ATXN7L1: variants seen among roughly 807,000 people sequenced by gnomAD.
The protein encoded by ATXN7L1 is ataxin 7 like 1, also known as ataxin-7-like protein 1.
ATXN7L1 carries 15 observed loss-of-function variants against 70.8 expected under a neutral mutation model. The observed-to-expected ratio is 0.21, with a 90% confidence interval of 0.14 to 0.33. ATXN7L1 has a LOEUF of 0.33. Ranked by LOEUF, ATXN7L1 falls within the 10% of genes least tolerant of loss-of-function variation. The pLI is 1.00. For synonymous variants in ATXN7L1, 440 were observed against 445.1 expected (o/e 0.99, Z 0.14); for missense variants, 975 against 1,097.1 (o/e 0.89, Z 1.57).
intron 4 of ATXN7L1, among the ~76,000 whole-genome samples, chr7:105,648,786 C>T (rs1314688212): frequency 2.6e-5 from 4 of 152,250 alleles, no homozygotes; most frequent in Admixed American, 1.3e-4. Context: ...CACGCCCCTT[C>T]CAGATGGCTG....
At chr7:105,752,066 G>T (rs959790324) in intron 3 of ATXN7L1, among the ~76,000 whole-genome samples, 1 of 152,216 alleles carries the variant, frequency 6.6e-6, no homozygotes, top group African/African-American at 2.4e-5. Context: ...GTAAGAGCTG[G>T]TTAAGCAGCT....
chr7:105,729,699 G>C lies in ATXN7L1; in HGVS notation c.355+58905C>G, dbSNP rs571592079. On this transcript the variant is annotated intron_variant, in intron 3 of 11. Coordinates refer to ENST00000419735, the MANE Select transcript of ATXN7L1 (RefSeq NM_020725.2). Reference sequence around the variant, plus strand: ...CCTGCCTTGGCCTCCCAGAGTGTGGGGATTACAGGCATGAGCCACTGTGCC... The same window carrying C: ...CCTGCCTTGGCCTCCCAGAGTGTGGCGATTACAGGCATGAGCCACTGTGCC... 1.6e-3 allele frequency among the ~76,000 whole-genome samples: 237 copies of C among 151,166 alleles called. 1 individual carries two copies. Among genetic ancestry groups the C allele is most frequent in the African/African-American group, 5.4e-3 (222 of 41,194 alleles).
At chr7:105,796,232 G>A (rs1563100300) in intron 2 of ATXN7L1, among the ~76,000 whole-genome samples, 1 of 152,168 alleles carries the variant, frequency 6.6e-6, no homozygotes, top group Non-Finnish European at 1.5e-5. Flanking sequence ...GCGTGGTCGT[G>A]CGCACCTGTA....
At chr7:105,641,647 A>G (rs187092211) in intron 5 of ATXN7L1, among the ~76,000 whole-genome samples, 3 of 152,306 alleles carry the variant, frequency 2.0e-5, no homozygotes, top group African/African-American at 7.2e-5. Flanking sequence ...TGTTGCCACC[A>G]CCTCTGAAGA....
intron 2 of ATXN7L1, among the ~76,000 whole-genome samples, chr7:105,862,422 G>A (rs1401830129): frequency 6.6e-6 from 1 of 152,094 alleles, no homozygotes; most frequent in Non-Finnish European, 1.5e-5. Flanking sequence ...CTGGGCGACC[G>A]AGCTACTGCC....
At chr7:105,639,602 A>G (rs1342272930) in intron 5 of ATXN7L1, 33 bp from the exon 6 acceptor site, 11 of 1,460,022 alleles carry the variant, frequency 7.5e-6, no homozygotes, top group Non-Finnish European at 1.0e-5. Context: ...AATATAAGAA[A>G]AAAGGAGACT....
intron 2 of ATXN7L1, among the ~76,000 whole-genome samples, chr7:105,821,330 C>G (rs143722878): frequency 6.6e-6 from 1 of 152,194 alleles, no homozygotes; most frequent in South Asian, 2.1e-4. Context: ...TGAGCCACCA[C>G]GCCTGGCTGA....
At chr7:105,834,278 G>A (rs1458645175) in intron 2 of ATXN7L1, among the ~76,000 whole-genome samples, 1 of 152,178 alleles carries the variant, frequency 6.6e-6, no homozygotes, top group African/African-American at 2.4e-5. Flanking sequence ...CTGACCTCAG[G>A]TGATCCACCT....
intron 3 of ATXN7L1, among the ~76,000 whole-genome samples, chr7:105,740,787 T>TTTTTTTTTTTTTTTTTTTTTTTTTGTG: frequency 1.3e-5 from 1 of 79,284 alleles, no homozygotes; most frequent in South Asian, 5.2e-4. Context: ...TTTTTTTTAA[T>TTTTTTTTTTTTTTTTTTTTTTTTTGTG]GGAGTCTCAC....
At chr7:105,734,610 C>G (rs1797172842) in intron 3 of ATXN7L1, among the ~76,000 whole-genome samples, 1 of 151,766 alleles carries the variant, frequency 6.6e-6, no homozygotes, top group Non-Finnish European at 1.5e-5. Context: ...GTGTGCTGTT[C>G]TGAAGTTTTA....
At chr7:105,684,091 G>C (rs915169378) in intron 3 of ATXN7L1, among the ~76,000 whole-genome samples, 2 of 152,164 alleles carry the variant, frequency 1.3e-5, no homozygotes, top group Non-Finnish European at 2.9e-5. Flanking sequence ...CCAGATAAGC[G>C]GTGAGCCAGG....
In ATXN7L1 at chr7:105,624,281, C is replaced by A; in HGVS notation, c.1203-14G>T. 1 of 1,360,918 alleles carries A rather than the reference C, an allele frequency of 7.3e-7. No homozygotes were observed. The highest frequency in any genetic ancestry group is 1.8e-5 in the South Asian group (1 of 55,048). The allele number at this position is 1,360,918 out of a possible 1,614,324, so 84.3% of individuals were successfully genotyped here. A position where few individuals can be genotyped will look rare whatever the true frequency, so the allele number is the denominator to read the frequency against. ...GCAGATGATGGTCTAAGGGCAAGAG[C>A]GGAGAACAAACAAAATAAACCAAAT... On this transcript the variant is annotated splice_polypyrimidine_tract_variant and intron_variant, in intron 7 of 11. Transcript: ENST00000419735.
Position 105,643,135 on chromosome 7 carries a change from G to T in ATXN7L1, c.579-14C>A. ...GGAACTGGAACACTGAAAAATAAAT[G>T]AACAAACACACACAATTGTCTTCTT... On this transcript the variant is annotated splice_polypyrimidine_tract_variant and intron_variant, in intron 4 of 11. Transcript: ENST00000419735. The T allele has an allele frequency of 1.3e-6, 2 of 1,495,958 alleles. No individual in the cohort carries two copies. The highest frequency in any genetic ancestry group is 2.7e-5 in the South Asian group (2 of 74,496). 92.7% of individuals were successfully genotyped at this position (1,495,958 alleles called of 1,614,324 possible).
At chr7:105,822,642 C>G (rs1257668520) in intron 2 of ATXN7L1, among the ~76,000 whole-genome samples, 1 of 152,152 alleles carries the variant, frequency 6.6e-6, no homozygotes, top group Non-Finnish European at 1.5e-5. Context: ...CAAAGCCACC[C>G]TATGAGAAAG....
At chr7:105,687,899 C>A (rs940242650) in intron 3 of ATXN7L1, among the ~76,000 whole-genome samples, 1 of 152,134 alleles carries the variant, frequency 6.6e-6, no homozygotes, top group Non-Finnish European at 1.5e-5. Flanking sequence ...GACACCATAC[C>A]CACTCACCCC....
At chr7:105,656,480 G>A (rs1432830431) in intron 4 of ATXN7L1, among the ~76,000 whole-genome samples, 4 of 152,186 alleles carry the variant, frequency 2.6e-5, no homozygotes, top group Non-Finnish European at 4.4e-5. Flanking sequence ...GTACAGGGCT[G>A]GGGATGCTGG....
intron 3 of ATXN7L1, among the ~76,000 whole-genome samples, chr7:105,748,426 G>C (rs1377999558): frequency 6.6e-6 from 1 of 152,158 alleles, no homozygotes; most frequent in Non-Finnish European, 1.5e-5. Flanking sequence ...GGGGAGGTTA[G>C]ATCCGACCAT....
intron 2 of ATXN7L1, among the ~76,000 whole-genome samples, chr7:105,861,029 C>T (rs564916738): frequency 2.0e-5 from 3 of 151,934 alleles, no homozygotes; most frequent in Non-Finnish European, 2.9e-5. Context: ...GTGGCCCGAG[C>T]GGCAGGGTGG....
At chr7:105,862,160 C>T (rs28562194) in intron 2 of ATXN7L1, among the ~76,000 whole-genome samples, 29,058 of 152,070 alleles carry the variant, frequency 0.19, 3,334 homozygotes, top group East Asian at 0.39. Context: ...TTCTGGTGGG[C>T]GTGGTGGCTG....
Sources: gnomAD v4.1 joint callset for allele counts (sites outside exome capture counted in the v4.1 genomes callset) on GRCh38, gnomAD v4.1.1 for gene constraint, MANE v1.5 for transcripts, NCBI Gene and HGNC (gene_info 2026-07-23, HGNC 2026-07-21) for gene names.